Variants in FGD5 observed in about 807,000 individuals in gnomAD.
The protein encoded by FGD5 is FYVE, RhoGEF and PH domain-containing protein 5.
Under a neutral mutation model 133.4 loss-of-function variants are expected in FGD5, and 28 were observed. The ratio of observed to expected loss-of-function variants is 0.21; its 90% CI spans 0.16 to 0.29. FGD5 has a LOEUF of 0.29. Among genes scored for constraint, FGD5 ranks in the 10% least tolerant of loss-of-function variants. The probability of loss-of-function intolerance (pLI) is 1.00; values close to 1 mark genes in which losing one functional copy is unlikely to be tolerated. For synonymous variants in FGD5, 810 were observed against 776.5 expected (o/e 1.04, Z -0.72); for missense variants, 1,858 against 1,895.2 (o/e 0.98, Z 0.36).
At chr3:14,841,754 G>A (rs941865087) in intron 1 of FGD5, among the ~76,000 whole-genome samples, 1 of 152,072 alleles carries the variant, frequency 6.6e-6, no homozygotes, top group Non-Finnish European at 1.5e-5. Flanking sequence ...CAGTGTGAGT[G>A]GGGGGTTCCT....
chr3:14,844,209 AAAAAAAAAATATATATAT>A (rs1357783154), intron 1 of FGD5, among the ~76,000 whole-genome samples: 3 of 26,906 alleles, frequency 1.1e-4, no homozygotes, highest in Non-Finnish European at 1.3e-4. Flanking sequence ...GGCATTAAAA[AAAAAAAAAATATATATAT>A]ATATATATAT....
chr3:14,828,856 C>T (rs141129623), intron 1 of FGD5, among the ~76,000 whole-genome samples: 1,802 of 131,096 alleles, frequency 0.014, 41 homozygotes, highest in African/African-American at 0.047. Flanking sequence ...GAGCCTCATT[C>T]TGTTGCCTGT....
Position 14,934,175 on chromosome 3 carries a change from A to G in FGD5, c.*1008A>G, listed in dbSNP as rs1332961320. 1 of 152,222 alleles carries G rather than the reference A, an allele frequency of 6.6e-6. No homozygotes were observed. Among genetic ancestry groups the G allele is most frequent in the Non-Finnish European group, 1.5e-5 (1 of 68,038 alleles). The allele number at this position is 152,222 out of a possible 1,614,324, so 9.4% of individuals were successfully genotyped here. A position where few individuals can be genotyped will look rare whatever the true frequency, so the allele number is the denominator to read the frequency against. On this transcript the variant is annotated 3_prime_UTR_variant, in exon 20 of 20. Transcript: ENST00000285046. ...AAAAAGAGAAAACAAGTTAGACTCC[A>G]AAGGTGAATTCCTGGTCTTGGCAGA...
intron 1 of FGD5, among the ~76,000 whole-genome samples, chr3:14,823,957 G>A (rs1345654800): frequency 1.3e-5 from 2 of 152,226 alleles, no homozygotes; most frequent in East Asian, 1.9e-4. Flanking sequence ...TGTTTACTGC[G>A]TGCCAAGCAC....
At chr3:14,873,839 A>G (rs949456650) in intron 2 of FGD5, among the ~76,000 whole-genome samples, 4 of 151,320 alleles carry the variant, frequency 2.6e-5, no homozygotes, top group Non-Finnish European at 5.9e-5. Flanking sequence ...CTCCTGCCTC[A>G]GCCTTCCGAG....
At chr3:14,847,034 G>A (rs924542328) in intron 1 of FGD5, among the ~76,000 whole-genome samples, 2 of 152,196 alleles carry the variant, frequency 1.3e-5, no homozygotes, top group Non-Finnish European at 2.9e-5. Flanking sequence ...TGCTGGGAGA[G>A]TTGTTCCGAG....
At chr3:14,858,979 T>A (rs12633528) in intron 1 of FGD5, among the ~76,000 whole-genome samples, 12,784 of 152,326 alleles carry the variant, frequency 0.084, 757 homozygotes, top group East Asian at 0.3. Flanking sequence ...TTTATTTTAC[T>A]GCTAACTTCT....
intron 2 of FGD5, among the ~76,000 whole-genome samples, chr3:14,875,102 G>T (rs892114093): frequency 6.6e-6 from 1 of 152,186 alleles, no homozygotes; most frequent in East Asian, 1.9e-4. Flanking sequence ...CTGCCCCAGT[G>T]GTCCCCAGGG....
At chr3:14,815,994 T>C (rs1209962664), upstream of FGD5, among the ~76,000 whole-genome samples, 6 of 152,212 alleles carry the variant, frequency 3.9e-5, no homozygotes, top group Admixed American at 1.3e-4. Flanking sequence ...GCTGAAGCAC[T>C]CTGCGCCTGG....
Position 14,921,984 on chromosome 3 carries a change from C to T in FGD5, c.3636C>T (p.Ala1212=). The change falls in exon 14 of 20, where the codon GCC becomes GCT. Residue 1212 remains alanine, a synonymous_variant. Transcript: ENST00000285046. ...LSRALPEDYK[A]QALAAFHHSV... Reference sequence around the variant, plus strand: ...GAGCCCTCCCTGAGGACTACAAGGCCCAGGCGCTGGCTGCATTCCACCATA... The same window carrying T: ...GAGCCCTCCCTGAGGACTACAAGGCTCAGGCGCTGGCTGCATTCCACCATA... 1.3e-6 allele frequency: 2 copies of T among 1,568,186 alleles called. No individual in the cohort carries two copies. Among genetic ancestry groups the T allele is most frequent in the South Asian group, 1.2e-5 (1 of 85,090 alleles).
chr3:14,859,714 T>C (rs953759633), intron 1 of FGD5, among the ~76,000 whole-genome samples: 1 of 152,232 alleles, frequency 6.6e-6, no homozygotes, highest in Non-Finnish European at 1.5e-5. Flanking sequence ...TCCTCATGCC[T>C]GTTTGAAACT....
chr3:14,876,781 G>T (rs548998953), intron 2 of FGD5, among the ~76,000 whole-genome samples: 1 of 152,284 alleles, frequency 6.6e-6, no homozygotes, highest in Admixed American at 6.5e-5. Flanking sequence ...GCTATATTTT[G>T]GGAACTGATG....
In FGD5 at chr3:14,821,541, A is replaced by G; in HGVS notation, c.2470A>G (p.Ser824Gly). ...CGAAAATGATGGCTACGTGGACATG[A>G]GCAGCTTCAACGCCTTTGAGAGCAA... ...ANENDGYVDM[S>G]SFNAFESKQQ... Residue 824 changes from serine (S) to glycine (G), a missense_variant, in exon 1 of 20, where the codon AGC becomes GGC. By Grantham distance (56) the Ser-to-Gly change is moderately conservative. Transcript: ENST00000285046. 4 of 1,613,530 alleles carry G rather than the reference A, an allele frequency of 2.5e-6. No individual in the cohort carries two copies. The highest frequency in any genetic ancestry group is 3.4e-6 in the Non-Finnish European group (4 of 1,179,580).
In FGD5 at chr3:14,932,708, A is replaced by G; in HGVS notation, c.4329A>G (p.Ala1443=). Residue 1443 remains alanine, a synonymous_variant, in exon 19 of 20, where the codon GCA becomes GCG. Transcript: ENST00000285046. Reference sequence around the variant, plus strand: ...AAACCCTATTTTATAGCTTCAAAGCAGAAGATACCAATTCAGCTCAGAGGT... The same window carrying G: ...AAACCCTATTTTATAGCTTCAAAGCGGAAGATACCAATTCAGCTCAGAGGT... ...HKKTLFYSFK[A]EDTNSAQRWI... 2.5e-6 allele frequency: 4 copies of G among 1,613,964 alleles called. No homozygotes were observed. The highest frequency in any genetic ancestry group is 1.3e-5 in the African/African-American group (1 of 75,060).
At chr3:14,877,856 G>C (rs891892251) in intron 2 of FGD5, among the ~76,000 whole-genome samples, 1 of 152,212 alleles carries the variant, frequency 6.6e-6, no homozygotes, top group African/African-American at 2.4e-5. Flanking sequence ...TTGTCACAGT[G>C]GGGGTTGAGG....
At chr3:14,918,571 A>C (rs937695075) in intron 12 of FGD5, among the ~76,000 whole-genome samples, 183 bp from the exon 13 acceptor site, 1 of 152,228 alleles carries the variant, frequency 6.6e-6, no homozygotes, top group Non-Finnish European at 1.5e-5. Context: ...TGAGTGGCCA[A>C]GAATGATGGA....
intron 18 of FGD5, among the ~76,000 whole-genome samples, chr3:14,929,503 T>G (rs532994297): frequency 6.6e-6 from 1 of 152,250 alleles, no homozygotes; most frequent in Admixed American, 6.5e-5. Context: ...ACATCATTGC[T>G]AACACTTGGT....
At chr3:14,878,981 A>G (rs544178952) in intron 2 of FGD5, among the ~76,000 whole-genome samples, 22 of 152,360 alleles carry the variant, frequency 1.4e-4, no homozygotes, top group African/African-American at 5.1e-4. Flanking sequence ...TGCTGGGATT[A>G]CAGGCGTGAG....
upstream of FGD5, among the ~76,000 whole-genome samples, chr3:14,815,958 C>T (rs1052201105): frequency 1.3e-5 from 2 of 152,236 alleles, no homozygotes; most frequent in Non-Finnish European, 2.9e-5. Context: ...CTTCTTTTGG[C>T]TTGCCTTGAT....
Sources: allele counts gnomAD v4.1 joint callset (sites outside exome capture counted in the v4.1 genomes callset), GRCh38; gene constraint gnomAD v4.1.1; transcripts MANE v1.5; gene names NCBI Gene and HGNC (gene_info 2026-07-23, HGNC 2026-07-21).